NAALADL2: variants seen among roughly 807,000 people sequenced by gnomAD.
NAALADL2 encodes N-acetylated alpha-linked acidic dipeptidase like 2.
In NAALADL2, 76 loss-of-function variants were observed where a neutral mutation model predicts 87.2. The ratio of observed to expected loss-of-function variants is 0.87; its 90% CI spans 0.72 to 1.05. NAALADL2 has a LOEUF of 1.05. NAALADL2 is among the 50% of genes least tolerant of loss of function. NAALADL2 has a pLI of 0.00. For missense variants in NAALADL2, 1,089 were observed against 945.8 expected (o/e 1.15, Z -1.99); for synonymous variants, 354 against 331.0 (o/e 1.07, Z -0.75).
chr3:174,825,055 T>G (rs764051156), intron 3 of NAALADL2, among the ~76,000 whole-genome samples: 1 of 152,208 alleles, frequency 6.6e-6, no homozygotes, highest in Admixed American at 6.5e-5. Flanking sequence ...TTTCTTTTTT[T>G]ATCTCTAGGC....
intron 10 of NAALADL2, among the ~76,000 whole-genome samples, chr3:175,585,133 T>A (rs1031055651): frequency 6.6e-6 from 1 of 151,770 alleles, no homozygotes; most frequent in African/African-American, 2.4e-5. Context: ...AGCTTTTTTC[T>A]ATTTTTATAA....
At chr3:175,367,413 G>T (rs1370483596) in intron 5 of NAALADL2, among the ~76,000 whole-genome samples, 1 of 151,874 alleles carries the variant, frequency 6.6e-6, no homozygotes, top group Admixed American at 6.6e-5. Context: ...TTGGTAGCTT[G>T]ATGGGGATGG....
At chr3:175,450,272 C>G (rs2149232830) in intron 6 of NAALADL2, among the ~76,000 whole-genome samples, 1 of 152,096 alleles carries the variant, frequency 6.6e-6, no homozygotes, top group South Asian at 2.1e-4. Context: ...GAATGAGGTA[C>G]TATAATTTTA....
intron 3 of NAALADL2, among the ~76,000 whole-genome samples, chr3:174,781,729 T>A (rs1045720275): frequency 1.3e-5 from 2 of 151,934 alleles, no homozygotes; most frequent in Non-Finnish European, 2.9e-5. Flanking sequence ...TACAAATGTT[T>A]CATGTGTTCA....
chr3:175,341,125 A>G (rs1174945894), intron 5 of NAALADL2, among the ~76,000 whole-genome samples: 2 of 152,060 alleles, frequency 1.3e-5, no homozygotes, highest in African/African-American at 2.4e-5. Context: ...CATCACTCCC[A>G]AAAGAAACTC....
intron 2 of NAALADL2, among the ~76,000 whole-genome samples, chr3:175,104,780 T>A (rs1722813228): frequency 6.6e-6 from 1 of 152,160 alleles, no homozygotes; most frequent in African/African-American, 2.4e-5. Flanking sequence ...AGCTATCCTA[T>A]CGTTGATCTC....
At chr3:175,453,439 G>A (rs114364090) in intron 6 of NAALADL2, among the ~76,000 whole-genome samples, 243 of 152,086 alleles carry the variant, frequency 1.6e-3, no homozygotes, top group African/African-American at 5.6e-3. Flanking sequence ...AAGTTGTAAA[G>A]GCCCATTACC....
intron 2 of NAALADL2, among the ~76,000 whole-genome samples, chr3:174,599,428 C>T (rs182435431): frequency 5.3e-5 from 8 of 152,002 alleles, no homozygotes; most frequent in African/African-American, 1.9e-4. Flanking sequence ...TTCATAGGCT[C>T]TTGGTACAAA....
At chr3:174,771,962 G>A (rs908646570) in intron 3 of NAALADL2, among the ~76,000 whole-genome samples, 1 of 152,028 alleles carries the variant, frequency 6.6e-6, no homozygotes, top group African/African-American at 2.4e-5. Flanking sequence ...ATGTGATCAG[G>A]CATTGCTCTA....
chr3:175,126,387 G>T (rs1231996088), intron 2 of NAALADL2, among the ~76,000 whole-genome samples: 1 of 152,072 alleles, frequency 6.6e-6, no homozygotes, highest in Non-Finnish European at 1.5e-5. Flanking sequence ...GATCAGCTGA[G>T]CTGTCTCACT....
At chr3:174,980,142 A>G (rs1380657155) in intron 1 of NAALADL2, among the ~76,000 whole-genome samples, 1 of 152,158 alleles carries the variant, frequency 6.6e-6, no homozygotes, top group African/African-American at 2.4e-5. Flanking sequence ...TCCCTATCTT[A>G]GAATGTCCTT....
At chr3:175,451,653 C>T (rs570680370) in intron 6 of NAALADL2, among the ~76,000 whole-genome samples, 17 of 152,026 alleles carry the variant, frequency 1.1e-4, no homozygotes, top group African/African-American at 4.1e-4. Flanking sequence ...TAAAAATAAA[C>T]ATTTTAAGAT....
At chr3:175,712,078 ATAT>A (rs1740611473) in intron 11 of NAALADL2, among the ~76,000 whole-genome samples, 1 of 151,934 alleles carries the variant, frequency 6.6e-6, no homozygotes, top group Non-Finnish European at 1.5e-5. Flanking sequence ...TTGTATTGAG[ATAT>A]TATTTAAATT....
chr3:175,444,265 T>A (rs1720312125), intron 5 of NAALADL2, among the ~76,000 whole-genome samples: 1 of 152,196 alleles, frequency 6.6e-6, no homozygotes. Context: ...TATTTCATTA[T>A]CTCATGCACA....
chr3:174,969,731 G>A (rs1172465909), intron 1 of NAALADL2, among the ~76,000 whole-genome samples: 1 of 152,076 alleles, frequency 6.6e-6, no homozygotes, highest in Non-Finnish European at 1.5e-5. Flanking sequence ...TACCCTTGAT[G>A]GCTTTTTCCT....
chr3:175,443,021 C>A (rs375491817), intron 5 of NAALADL2, among the ~76,000 whole-genome samples: 17 of 152,272 alleles, frequency 1.1e-4, no homozygotes, highest in African/African-American at 4.1e-4. Flanking sequence ...TTCAAAACCT[C>A]TTAATAATGT....
intron 2 of NAALADL2, among the ~76,000 whole-genome samples, chr3:174,709,635 A>G (rs958548267): frequency 3.3e-5 from 5 of 152,252 alleles, no homozygotes; most frequent in African/African-American, 9.6e-5. Context: ...CTAATTTATC[A>G]GAGGAATAAA....
At chr3:175,624,409 T>G (rs1560870328) in intron 10 of NAALADL2, among the ~76,000 whole-genome samples, 2 of 152,026 alleles carry the variant, frequency 1.3e-5, no homozygotes, top group Non-Finnish European at 2.9e-5. Context: ...CATGGAATAT[T>G]TAATATTTAT....
At position 174,998,537 on chromosome 3, in the gene NAALADL2, G is replaced by A. The variant is rs558159440; in HGVS notation, c.44-98253G>A. On this transcript the variant is annotated intron_variant, in intron 1 of 13. Coordinates refer to ENST00000454872, the MANE Select transcript of NAALADL2 (RefSeq NM_207015.3). ...CATTGCCCTCCATCACTAAATTTTG[G>A]GGCAGGTCAATAGAACCTTAATCAT... Among the ~76,000 whole-genome samples the A allele has an allele frequency of 6.6e-5, 10 of 152,158 alleles. No individual in the cohort carries two copies. The East Asian group carries it at 7.7e-4, about 12-fold the overall frequency.
Sources: allele counts gnomAD v4.1 joint callset (sites outside exome capture counted in the v4.1 genomes callset), GRCh38; gene constraint gnomAD v4.1.1; transcripts MANE v1.5; gene names NCBI Gene and HGNC (gene_info 2026-07-23, HGNC 2026-07-21).